SPOCK3: variants seen among roughly 807,000 people sequenced by gnomAD.
SPOCK3 encodes the protein testican-3.
A neutral mutation model predicts 56.6 loss-of-function variants in SPOCK3; 30 were observed. That is an observed-to-expected ratio of 0.53 (90% confidence interval 0.40 to 0.72). The LOEUF is 0.72. SPOCK3 is among the 30% of genes least tolerant of loss of function. SPOCK3 has a pLI of 0.00. For missense variants in SPOCK3, 527 were observed against 530.0 expected, an observed-to-expected ratio of 0.99 and a Z score of 0.06; for synonymous variants, 196 against 183.3, an observed-to-expected ratio of 1.07 and a Z score of -0.56.
intron 3 of SPOCK3, among the ~76,000 whole-genome samples, chr4:167,013,533 T>C (rs147570002): frequency 6.6e-6 from 1 of 151,228 alleles, no homozygotes; most frequent in African/African-American, 2.4e-5. Flanking sequence ...TATAAAACTA[T>C]TGTATTATAA....
intron 3 of SPOCK3, among the ~76,000 whole-genome samples, chr4:167,030,659 T>G (rs1286376646): frequency 6.6e-6 from 1 of 152,046 alleles, no homozygotes; most frequent in African/African-American, 2.4e-5. Flanking sequence ...AATTTCATGG[T>G]TCAGGATAGA....
intron 2 of SPOCK3, among the ~76,000 whole-genome samples, chr4:167,138,296 T>A (rs1350265667): frequency 1.3e-5 from 2 of 151,926 alleles, no homozygotes; most frequent in Non-Finnish European, 2.9e-5. Context: ...TTGTCTCTAC[T>A]ATTTTTCCTT....
At chr4:167,116,933 ACTTTTGTGTATATG>A (rs1761478191) in intron 2 of SPOCK3, among the ~76,000 whole-genome samples, 9 of 141,058 alleles carry the variant, frequency 6.4e-5, no homozygotes, top group South Asian at 4.4e-4. Context: ...ATATATATAT[ACTTTTGTGTATATG>A]TATATATATA....
intron 2 of SPOCK3, among the ~76,000 whole-genome samples, chr4:167,169,224 A>G (rs1730277849): frequency 6.6e-6 from 1 of 152,172 alleles, no homozygotes; most frequent in Admixed American, 6.5e-5. Flanking sequence ...GATGGCCACT[A>G]TCCTCCAGAA....
chr4:166,857,722 T>C (rs1353019979), intron 6 of SPOCK3, among the ~76,000 whole-genome samples: 1 of 152,184 alleles, frequency 6.6e-6, no homozygotes, highest in Non-Finnish European at 1.5e-5. Context: ...GCTCCAAATA[T>C]AAAGTCATTC....
intron 2 of SPOCK3, among the ~76,000 whole-genome samples, chr4:167,210,638 T>C (rs1368548073): frequency 6.6e-6 from 1 of 152,200 alleles, no homozygotes; most frequent in Non-Finnish European, 1.5e-5. Flanking sequence ...AGAATGTTTG[T>C]TTTTGAAATG....
intron 2 of SPOCK3, among the ~76,000 whole-genome samples, chr4:167,200,366 C>A (rs551511943): frequency 1.3e-5 from 2 of 151,818 alleles, no homozygotes; most frequent in Non-Finnish European, 1.5e-5. Context: ...AAAAAATATA[C>A]CCTTTATGTT....
chr4:167,146,719 A>G (rs1263982658), intron 2 of SPOCK3, among the ~76,000 whole-genome samples: 1 of 152,160 alleles, frequency 6.6e-6, no homozygotes, highest in Non-Finnish European at 1.5e-5. Context: ...CTACTGGGTA[A>G]ATAATGAAAT....
intron 10 of SPOCK3, 134 bp from the exon 11 acceptor site, chr4:166,735,224 T>G (rs1396828448): frequency 2.8e-5 from 17 of 611,252 alleles, no homozygotes; most frequent in Non-Finnish European, 4.8e-5. Flanking sequence ...TCAAAGATAA[T>G]GAAAGATCCA....
At chr4:167,098,510 T>A (rs922677082) in intron 2 of SPOCK3, among the ~76,000 whole-genome samples, 3 of 152,066 alleles carry the variant, frequency 2.0e-5, no homozygotes, top group African/African-American at 7.2e-5. Flanking sequence ...TTTTTACTTT[T>A]AAAATTTTCA....
chr4:166,806,593 CTA>C (rs3077149), intron 6 of SPOCK3, among the ~76,000 whole-genome samples: 11,315 of 151,960 alleles, frequency 0.074, 987 homozygotes, highest in African/African-American at 0.2. Flanking sequence ...ATCTTAAACA[CTA>C]TTTGTCCTAC....
chr4:167,135,731 C>T (rs1763065818), intron 2 of SPOCK3, among the ~76,000 whole-genome samples: 1 of 146,750 alleles, frequency 6.8e-6, no homozygotes, highest in South Asian at 2.2e-4. Flanking sequence ...AATTGTTAGG[C>T]TGTTTTAATT....
At chr4:167,216,683 G>A (rs575950812) in intron 2 of SPOCK3, among the ~76,000 whole-genome samples, 1 of 152,166 alleles carries the variant, frequency 6.6e-6, no homozygotes, top group Admixed American at 6.6e-5. Flanking sequence ...CTGTAGAAAT[G>A]ATGGCATTGC....
chr4:167,164,774 CT>C (rs1240745123), intron 2 of SPOCK3, among the ~76,000 whole-genome samples: 1 of 152,000 alleles, frequency 6.6e-6, no homozygotes, highest in Non-Finnish European at 1.5e-5. Context: ...TTATCTTATC[CT>C]TTTTTATGGC....
chr4:167,205,214 A>C (rs1312458645), intron 2 of SPOCK3, among the ~76,000 whole-genome samples: 2 of 97,400 alleles, frequency 2.1e-5, no homozygotes, highest in Admixed American at 3.2e-4. Context: ...TATATTATAT[A>C]TTATATATTT....
chr4:167,128,418 A>G (rs553802971), intron 2 of SPOCK3, among the ~76,000 whole-genome samples: 6 of 152,248 alleles, frequency 3.9e-5, no homozygotes, highest in African/African-American at 1.2e-4. Flanking sequence ...GTACACCACC[A>G]TTTATTACTT....
At chr4:167,217,129 G>A (rs1441259792) in intron 2 of SPOCK3, among the ~76,000 whole-genome samples, 1 of 152,018 alleles carries the variant, frequency 6.6e-6, no homozygotes, top group African/African-American at 2.4e-5. Context: ...TTTTATTAAT[G>A]AATGTAAACT....
At chr4:167,140,270 A>G (rs763416456) in intron 2 of SPOCK3, among the ~76,000 whole-genome samples, 1 of 152,090 alleles carries the variant, frequency 6.6e-6, no homozygotes, top group Admixed American at 6.6e-5. Flanking sequence ...TCCATTTAAG[A>G]CAAGAAATCT....
chr4:167,084,759 T>G (rs1337020766), intron 2 of SPOCK3, among the ~76,000 whole-genome samples: 3 of 144,064 alleles, frequency 2.1e-5, no homozygotes, highest in African/African-American at 7.8e-5. Context: ...AAATATAAAC[T>G]ACACATTGAT....
Sources: allele counts gnomAD v4.1 joint callset (sites outside exome capture counted in the v4.1 genomes callset), GRCh38; gene constraint gnomAD v4.1.1; transcripts MANE v1.5; gene names NCBI Gene and HGNC (gene_info 2026-07-23, HGNC 2026-07-21).